Variants in ARHGAP25 observed in about 807,000 individuals in gnomAD.
ARHGAP25 encodes the protein Rho GTPase activating protein 25, also known as rho GTPase-activating protein 25.
In ARHGAP25, 34 loss-of-function variants were observed where a neutral mutation model predicts 71.0. The ratio of observed to expected loss-of-function variants is 0.48; its 90% CI spans 0.36 to 0.64. The LOEUF (loss-of-function observed/expected upper bound fraction) is 0.64. ARHGAP25 is among the 30% of genes least tolerant of loss of function. ARHGAP25 has a pLI of 0.00. For missense variants in ARHGAP25, 706 were observed against 805.1 expected (o/e 0.88, Z 1.49); for synonymous variants, 282 against 296.5 (o/e 0.95, Z 0.50).
intron 2 of ARHGAP25, among the ~76,000 whole-genome samples, chr2:68,722,577 G>GAAA (rs111862772): frequency 1.5e-5 from 2 of 137,682 alleles, no homozygotes; most frequent in African/African-American, 2.7e-5. Context: ...GACCCTGTCT[G>GAAA]AAAAAAAAAA....
rs761771369 is a variant in ARHGAP25 at position 68,767,271 on chromosome 2, C to T, written c.62-7950C>T. 3.3e-5 allele frequency among the ~76,000 whole-genome samples: 5 copies of T among 151,776 alleles called. No homozygotes were observed. Among genetic ancestry groups the T allele is most frequent in the East Asian group, 3.9e-4 (2 of 5,180 alleles). ...TGGGTGCTTTTCAATGGGGGGGTGG[C>T]GTTTGCTTTGAAGACAGAAAAGGGA... On this transcript the variant is annotated intron_variant, in intron 1 of 10. Transcript: ENST00000409202. The surrounding 1 kb of genome is among the most constrained non-coding windows in gnomAD (Gnocchi z 4.6).
intron 1 of ARHGAP25, among the ~76,000 whole-genome samples, chr2:68,764,605 G>A (rs1287356274): frequency 6.6e-6 from 1 of 152,134 alleles, no homozygotes; most frequent in Non-Finnish European, 1.5e-5. Context: ...GTTACTTTTT[G>A]TCTGGCCTGA....
chr2:68,826,578 C>G lies in ARHGAP25; in HGVS notation c.*384C>G, dbSNP rs2098244318. On this transcript the variant is annotated 3_prime_UTR_variant, in exon 11 of 11. Coordinates refer to ENST00000409202, the MANE Select transcript of ARHGAP25 (RefSeq NM_001007231.3). ...GTGTGGAACAGCTCACCTTGTCAGA[C>G]AGCCTCAGGGCATCTCTGAGACACA... The G allele has an allele frequency of 2.9e-6, 1 of 349,520 alleles. No individual in the cohort carries two copies. Among genetic ancestry groups the G allele is most frequent in the Admixed American group, 4.0e-5 (1 of 24,762 alleles). The allele number at this position is 349,520 out of a possible 1,614,324, so 21.7% of individuals were successfully genotyped here. A position where few individuals can be genotyped will look rare whatever the true frequency, so the allele number is the denominator to read the frequency against.
At chr2:68,814,961 T>C (rs1316845) in intron 6 of ARHGAP25, among the ~76,000 whole-genome samples, 86,343 of 152,102 alleles carry the variant, frequency 0.57, 25,039 homozygotes, top group East Asian at 0.87. Flanking sequence ...ATTGTGAAAG[T>C]AATAAAATTT....
intron 2 of ARHGAP25, among the ~76,000 whole-genome samples, chr2:68,777,353 C>T (rs1052009362): frequency 3.9e-5 from 6 of 152,144 alleles, no homozygotes; most frequent in South Asian, 2.1e-4. Flanking sequence ...TTCATTTTTC[C>T]GGACCCCGCT....
At chr2:68,824,705 G>C (rs866604316) in intron 10 of ARHGAP25, among the ~76,000 whole-genome samples, 1 of 152,042 alleles carries the variant, frequency 6.6e-6, no homozygotes, top group Admixed American at 6.5e-5. Context: ...TCATGCCACT[G>C]CACTCCAGCC....
rs539274380 is a variant in ARHGAP25 at position 68,742,225 on chromosome 2, T to C, written c.61+6965T>C. ...GGCCTATGGTGGCTGAACCATTTGC[T>C]TCCTTGTTGGTTTGGAGTTTCAAAG... On this transcript the variant is annotated intron_variant, in intron 1 of 10. Transcript: ENST00000409202. Among the ~76,000 whole-genome samples the C allele has an allele frequency of 3.3e-5, 5 of 152,354 alleles. No individual in the cohort carries two copies. The South Asian group carries it at 1.0e-3, about 32-fold the overall frequency.
At chr2:68,785,124 A>G (rs1306726671) in intron 3 of ARHGAP25, among the ~76,000 whole-genome samples, 2 of 152,210 alleles carry the variant, frequency 1.3e-5, no homozygotes, top group East Asian at 1.9e-4. Flanking sequence ...GGAGACAAGA[A>G]TAGGACATTT....
chr2:68,825,983 G>A lies in ARHGAP25; in HGVS notation c.1734-4G>A. The A allele has an allele frequency of 6.2e-7, 1 of 1,607,662 alleles. No individual in the cohort carries two copies. Among genetic ancestry groups the A allele is most frequent in the Admixed American group, 1.7e-5 (1 of 59,094 alleles). On this transcript the variant is annotated splice_polypyrimidine_tract_variant and splice_region_variant and intron_variant, in intron 10 of 10. Transcript: ENST00000409202. ...CTTTCATTCTTTTCTTTCCTTCCTT[G>A]TAGCCTTGAGAAGGAAAATTATGAC...
At chr2:68,751,340 C>G (rs1047231535) in intron 1 of ARHGAP25, among the ~76,000 whole-genome samples, 7 of 152,170 alleles carry the variant, frequency 4.6e-5, no homozygotes, top group African/African-American at 1.7e-4. Flanking sequence ...CCAGGAAAAA[C>G]TCAGGCATGT....
chr2:68,793,070 C>G (rs186716958), intron 4 of ARHGAP25, among the ~76,000 whole-genome samples: 1 of 152,124 alleles, frequency 6.6e-6, no homozygotes, highest in East Asian at 1.9e-4. Flanking sequence ...ATTTGTATGT[C>G]TTCTTTCGCA....
intron 1 of ARHGAP25, among the ~76,000 whole-genome samples, chr2:68,756,443 T>G (rs1676486095): frequency 6.6e-6 from 1 of 152,212 alleles, no homozygotes; most frequent in South Asian, 2.1e-4. Context: ...TTTAAAGAGC[T>G]TGTGCCTTTT....
chr2:68,735,585 C>T, intron 1 of ARHGAP25: 2 of 411,008 alleles, frequency 4.9e-6, no homozygotes, highest in South Asian at 6.0e-5. Flanking sequence ...GGAAACTCAT[C>T]CATATTTTGA....
chr2:68,757,348 C>T (rs1676546215), intron 1 of ARHGAP25, among the ~76,000 whole-genome samples: 1 of 151,978 alleles, frequency 6.6e-6, no homozygotes, highest in Non-Finnish European at 1.5e-5. Context: ...GAAAGAGACC[C>T]ACATCGAGAT....
chr2:68,739,590 C>G (rs1219446914), intron 1 of ARHGAP25, among the ~76,000 whole-genome samples: 1 of 152,204 alleles, frequency 6.6e-6, no homozygotes, highest in Non-Finnish European at 1.5e-5. Context: ...AAGGTGCACC[C>G]CAGTCGAGTG....
intron 1 of ARHGAP25, among the ~76,000 whole-genome samples, chr2:68,747,507 G>A (rs545308764): frequency 9.9e-5 from 15 of 152,268 alleles, no homozygotes; most frequent in Middle Eastern, 3.4e-3. Flanking sequence ...TCAGTCCCCC[G>A]TCCTCTTCCG....
intron 1 of ARHGAP25, among the ~76,000 whole-genome samples, chr2:68,762,230 A>G (rs1676868969): frequency 6.6e-6 from 1 of 152,184 alleles, no homozygotes; most frequent in Non-Finnish European, 1.5e-5. Context: ...GGGCTAGGGA[A>G]AGAAGGAAAA....
In ARHGAP25 at chr2:68,765,910, C is replaced by T. The variant is rs150038974; in HGVS notation, c.62-9311C>T. On this transcript the variant is annotated intron_variant, in intron 1 of 10. Transcript: ENST00000409202. ...AGGCCCCAGAAACTGACTGGAGTGA[C>T]GTCTGTTAGGCTGTAATGGCTTGTA... 2.0e-4 allele frequency among the ~76,000 whole-genome samples: 31 copies of T among 152,268 alleles called. No homozygotes were observed. The East Asian group carries it at 5.4e-3, about 27-fold the overall frequency.
chr2:68,772,640 TAGAG>T (rs1272676174), intron 1 of ARHGAP25, among the ~76,000 whole-genome samples: 2 of 152,218 alleles, frequency 1.3e-5, no homozygotes, highest in African/African-American at 4.8e-5. Flanking sequence ...GTCTCTGACT[TAGAG>T]AGATACAGAA....
Sources: gnomAD v4.1 joint callset for allele counts (sites outside exome capture counted in the v4.1 genomes callset) on GRCh38, gnomAD v4.1.1 for gene constraint, Gnocchi (gnomAD v3.1) non-coding constraint, MANE v1.5 for transcripts, NCBI Gene and HGNC (gene_info 2026-07-23, HGNC 2026-07-21) for gene names.